Variants in NPIPB7 observed in about 807,000 individuals in gnomAD.
NPIPB7 encodes nuclear pore complex-interacting protein family member B7.
For missense variants in NPIPB7, 14 were observed against 238.5 expected (o/e 0.06, Z 6.20); for synonymous variants, 9 against 88.1 (o/e 0.10, Z 5.03).
intron 2 of NPIPB7, among the ~76,000 whole-genome samples, chr16:28,463,727 CAAAA>C (rs1199745082): frequency 1.1e-3 from 17 of 15,076 alleles, no homozygotes; most frequent in South Asian, 0.012. Context: ...AACTCTGTCT[CAAAA>C]AAAAAAAAAA....
chr16:28,461,446 G>A (rs879141498), intron 4 of NPIPB7, among the ~76,000 whole-genome samples: 4,052 of 139,810 alleles, frequency 0.029, 2 homozygotes, highest in African/African-American at 0.11. Context: ...TTAACAAAAA[G>A]AGATCAGTCA....
upstream of NPIPB7, among the ~76,000 whole-genome samples, chr16:28,470,766 C>G (rs1198143901): frequency 6.7e-6 from 1 of 150,004 alleles, no homozygotes; most frequent in Non-Finnish European, 1.5e-5. Flanking sequence ...AAATTAAGTT[C>G]TCAAGCGCTG....
chr16:28,470,886 T>A (rs2045945987), upstream of NPIPB7, among the ~76,000 whole-genome samples: 1 of 117,174 alleles, frequency 8.5e-6, no homozygotes, highest in African/African-American at 3.1e-5. Context: ...AAGGTTCTGC[T>A]ATCCGCCAAA....
chr16:28,458,191 CCCCACTG>C (rs2141678045), intron 6 of NPIPB7, 188 bp downstream of exon 6: 2 of 449,646 alleles, frequency 4.4e-6, no homozygotes, highest in East Asian at 8.0e-5. Flanking sequence ...AGATCAGGGG[CCCCACTG>C]GGTGGGGATG....
intron 1 of NPIPB7, chr16:28,469,750 G>T: frequency 5.1e-6 from 2 of 395,400 alleles, no homozygotes; most frequent in East Asian, 7.7e-5. Flanking sequence ...GCACTGGGAG[G>T]CCGAGGCAGG....
chr16:28,465,620 C>T, intron 2 of NPIPB7, among the ~76,000 whole-genome samples: 1 of 125,658 alleles, frequency 8.0e-6, no homozygotes, highest in African/African-American at 2.8e-5. Context: ...CTGTTTTCTA[C>T]ATATCTTGAA....
At chr16:28,464,663 TG>T (rs2045894721) in intron 2 of NPIPB7, among the ~76,000 whole-genome samples, 1 of 144,960 alleles carries the variant, frequency 6.9e-6, no homozygotes, top group Non-Finnish European at 1.5e-5. Context: ...GGCTAATTTT[TG>T]TCTTTTTAGT....
chr16:28,458,086 GT>G (rs1235089887), intron 6 of NPIPB7: 2 of 177,212 alleles, frequency 1.1e-5, no homozygotes, highest in African/African-American at 1.1e-4. Flanking sequence ...ATTTGGAATT[GT>G]CCCTGTGGGT....
intron 4 of NPIPB7, among the ~76,000 whole-genome samples, chr16:28,462,131 A>T (rs1227609554): frequency 1.4e-4 from 21 of 150,692 alleles, no homozygotes; most frequent in Admixed American, 7.3e-4. Context: ...TTTAAAAAAA[A>T]AAAAAAGGCT....
intron 4 of NPIPB7, among the ~76,000 whole-genome samples, chr16:28,460,711 AGT>A (rs1384162828): frequency 1.0e-5 from 1 of 99,682 alleles, no homozygotes; most frequent in African/African-American, 4.1e-5. Context: ...TCCAACAAGG[AGT>A]GTGTGGTGTG....
chr16:28,470,705 G>C (rs1386031348), upstream of NPIPB7, among the ~76,000 whole-genome samples: 10 of 150,718 alleles, frequency 6.6e-5, no homozygotes, highest in Non-Finnish European at 1.5e-4. Flanking sequence ...TGGGCACCTG[G>C]AGGAGGTGGA....
intron 2 of NPIPB7, among the ~76,000 whole-genome samples, chr16:28,463,484 T>C (rs1439293855): frequency 7.9e-6 from 1 of 126,586 alleles, no homozygotes; most frequent in East Asian, 2.9e-4. Context: ...CCCAGCACTT[T>C]GGGAGGCCGA....
At chr16:28,470,629 G>C (rs1161489188), upstream of NPIPB7, 1 of 107,170 alleles carries the variant, frequency 9.3e-6, no homozygotes, top group Non-Finnish European at 1.9e-5. Flanking sequence ...AAGGGGAGGG[G>C]AGGGGGAGGG....
At chr16:28,469,693 A>C (rs1318915885) in intron 1 of NPIPB7, 25 of 378,092 alleles carry the variant, frequency 6.6e-5, no homozygotes, top group Non-Finnish European at 1.2e-4. Context: ...CTTACACTTA[A>C]GGTTATATAT....
intron 4 of NPIPB7, among the ~76,000 whole-genome samples, chr16:28,460,416 A>C (rs1291542175): frequency 7.4e-6 from 1 of 135,250 alleles, no homozygotes; most frequent in Admixed American, 7.6e-5. Flanking sequence ...TGACAACGGC[A>C]AACCATCCAC....
Position 28,470,518 on chromosome 16 carries a change from G to C in NPIPB7, c.-80C>G, listed in dbSNP as rs570617746. 9 of 896,148 alleles carry C rather than the reference G, an allele frequency of 1.0e-5. No homozygotes were observed. The East Asian group carries it at 2.2e-4, about 22-fold the overall frequency. 55.5% of individuals were successfully genotyped at this position (896,148 alleles called of 1,614,324 possible). A position where few individuals can be genotyped will look rare whatever the true frequency, so the allele number is the denominator to read the frequency against. On this transcript the variant is annotated 5_prime_UTR_variant, in exon 1 of 7. Transcript: ENST00000452313. Reference sequence around the variant, plus strand: ...TAGGGCAGGGGGGAGGGAAGGGGACGGGGACCGGGGCCGGATCTGAGTTGG... The same window carrying C: ...TAGGGCAGGGGGGAGGGAAGGGGACCGGGACCGGGGCCGGATCTGAGTTGG...
chr16:28,463,387 TCTCACACACA>T (rs1401361783), intron 2 of NPIPB7, among the ~76,000 whole-genome samples: 837 of 79,630 alleles, frequency 0.011, 1 homozygote, highest in Non-Finnish European at 0.012. Flanking sequence ...TGAGACTCTG[TCTCACACACA>T]CACACACACA....
intron 4 of NPIPB7, among the ~76,000 whole-genome samples, chr16:28,462,103 C>A (rs368484082): frequency 7.0e-6 from 1 of 143,738 alleles, no homozygotes. Flanking sequence ...GGCGACAGAG[C>A]GAGATTCTAT....
At chr16:28,468,519 AC>A (rs2141683885) in intron 1 of NPIPB7, among the ~76,000 whole-genome samples, 1 of 147,044 alleles carries the variant, frequency 6.8e-6, no homozygotes, top group Admixed American at 6.8e-5. Flanking sequence ...TTAAAAATTA[AC>A]AAGGTGGGCC....
Sources: allele counts gnomAD v4.1 joint callset (sites outside exome capture counted in the v4.1 genomes callset), GRCh38; gene constraint gnomAD v4.1.1; transcripts MANE v1.5; gene names NCBI Gene and HGNC (gene_info 2026-07-23, HGNC 2026-07-21).